PRKCB: variants seen among roughly 807,000 people sequenced by gnomAD.
PRKCB encodes protein kinase C beta type.
PRKCB carries 13 observed loss-of-function variants against 81.5 expected under a neutral mutation model. That is an observed-to-expected ratio of 0.16 (90% CI 0.10 to 0.25). PRKCB has a LOEUF of 0.25. Ranked by LOEUF, PRKCB falls within the 10% of genes least tolerant of loss-of-function variation. The pLI is 1.00. For synonymous variants in PRKCB, 335 were observed against 321.4 expected (o/e 1.04, Z -0.45); for missense variants, 509 against 875.7 (o/e 0.58, Z 5.29).
intron 5 of PRKCB, among the ~76,000 whole-genome samples, chr16:24,064,015 C>T (rs1966004214): frequency 6.6e-6 from 1 of 152,018 alleles, no homozygotes; most frequent in African/African-American, 2.4e-5. Context: ...TAGTGTGATT[C>T]CGTTTTTGTA....
chr16:24,056,076 G>A (rs1028470077), intron 5 of PRKCB, among the ~76,000 whole-genome samples: 2 of 152,242 alleles, frequency 1.3e-5, no homozygotes, highest in African/African-American at 2.4e-5. Flanking sequence ...CCACTTTGCC[G>A]AATTGAGAAT....
chr16:23,897,539 G>A (rs560611628), intron 2 of PRKCB, among the ~76,000 whole-genome samples: 2 of 152,314 alleles, frequency 1.3e-5, no homozygotes, highest in East Asian at 3.9e-4. Context: ...AAAGGCAGCT[G>A]TCACCTGTTG....
At chr16:23,966,225 A>T (rs1019919475) in intron 2 of PRKCB, among the ~76,000 whole-genome samples, 7 of 152,156 alleles carry the variant, frequency 4.6e-5, no homozygotes, top group African/African-American at 1.7e-4. Context: ...TTGCCCTGGG[A>T]GGGGCTTCTT....
At chr16:24,187,078 T>A (rs577620821) in intron 15 of PRKCB, among the ~76,000 whole-genome samples, 15 of 151,926 alleles carry the variant, frequency 9.9e-5, no homozygotes, top group Non-Finnish European at 1.8e-4. Flanking sequence ...TGGGGGCGGG[T>A]AGAGAGAAGG....
At position 24,217,140 on chromosome 16, in the gene PRKCB, G is replaced by A. The variant is rs545768247; in HGVS notation, c.*2324G>A. 2 of 978,428 alleles carry A rather than the reference G, an allele frequency of 2.0e-6. No homozygotes were observed. Among genetic ancestry groups the A allele is most frequent in the Admixed American group, 6.3e-5 (1 of 15,976 alleles). The allele number at this position is 978,428 out of a possible 1,614,324, so 60.6% of individuals were successfully genotyped here. A position where few individuals can be genotyped will look rare whatever the true frequency, so the allele number is the denominator to read the frequency against. On this transcript the variant is annotated 3_prime_UTR_variant, in exon 17 of 17. Transcript: ENST00000643927. ...AAAGAAGGAAAGAAAGAAAGAGAAA[G>A]GAAGGAAGGAAAGAAGGAAGGAAAA...
chr16:23,932,081 A>G (rs1963986610), intron 2 of PRKCB, among the ~76,000 whole-genome samples: 2 of 152,374 alleles, frequency 1.3e-5, no homozygotes, highest in Non-Finnish European at 2.9e-5. Flanking sequence ...GAGAATATGT[A>G]GGAAATTCTA....
At chr16:23,874,673 T>G (rs933207707) in intron 2 of PRKCB, among the ~76,000 whole-genome samples, 1 of 150,864 alleles carries the variant, frequency 6.6e-6, no homozygotes, top group Non-Finnish European at 1.5e-5. Context: ...TTTAAAAAAC[T>G]AAAAACCAAC....
At chr16:23,857,717 A>AGAGT (rs1555478969) in intron 2 of PRKCB, among the ~76,000 whole-genome samples, 9 of 149,480 alleles carry the variant, frequency 6.0e-5, no homozygotes, top group African/African-American at 1.2e-4. Context: ...AGAGAGAGAG[A>AGAGT]GTGTGTGTGT....
At chr16:24,042,571 C>T (rs955551538) in intron 5 of PRKCB, among the ~76,000 whole-genome samples, 2 of 152,186 alleles carry the variant, frequency 1.3e-5, no homozygotes, top group Non-Finnish European at 2.9e-5. Context: ...CGCTCTCCAT[C>T]CATCAATCTG....
At chr16:23,874,359 A>G (rs1644960759) in intron 2 of PRKCB, among the ~76,000 whole-genome samples, 1 of 152,198 alleles carries the variant, frequency 6.6e-6, no homozygotes, top group South Asian at 2.1e-4. Flanking sequence ...GAACCATCAC[A>G]TCTCATGTTC....
chr16:23,886,406 G>GTTTTTTTTTT lies in PRKCB; in HGVS notation c.205+49017_205+49026dup, dbSNP rs398029038. 1.3e-3 allele frequency among the ~76,000 whole-genome samples: 94 copies of GTTTTTTTTTT among 70,218 alleles called. 5 individuals carry two copies. Among genetic ancestry groups the GTTTTTTTTTT allele is most frequent in the Middle Eastern group, 7.2e-3 (1 of 138 alleles). The allele number at this position is 70,218 out of a possible 152,430, so 46.1% of individuals were successfully genotyped here. ...AGGGTTGGACTATGGTGTGTTAGGT[G>GTTTTTTTTTT]TTTTTTTTTTTTTTTTTTTTTTTTT... On this transcript the variant is annotated intron_variant, in intron 2 of 16. Transcript: ENST00000643927.
At chr16:24,018,780 C>A (rs901946466) in intron 3 of PRKCB, among the ~76,000 whole-genome samples, 1 of 152,212 alleles carries the variant, frequency 6.6e-6, no homozygotes, top group African/African-American at 2.4e-5. Flanking sequence ...TGGCTCTATT[C>A]ATTCTCCTCT....
At chr16:24,115,168 T>C (rs1182106862) in intron 8 of PRKCB, among the ~76,000 whole-genome samples, 3 of 152,194 alleles carry the variant, frequency 2.0e-5, no homozygotes, top group African/African-American at 7.2e-5. Context: ...TCACAGTACG[T>C]AGGGCTGTGC....
intron 2 of PRKCB, among the ~76,000 whole-genome samples, chr16:23,862,493 C>T (rs1000075704): frequency 1.3e-5 from 2 of 152,180 alleles, no homozygotes; most frequent in Admixed American, 6.5e-5. Flanking sequence ...CAGCAGCTTG[C>T]GTTCAGGGGA....
chr16:23,890,691 C>T (rs965541042), intron 2 of PRKCB, among the ~76,000 whole-genome samples: 14 of 152,278 alleles, frequency 9.2e-5, no homozygotes, highest in African/African-American at 3.4e-4. Flanking sequence ...CCACTGTACC[C>T]TGTGGACTTG....
At chr16:24,038,336 T>C (rs1267096706) in intron 5 of PRKCB, among the ~76,000 whole-genome samples, 2 of 152,202 alleles carry the variant, frequency 1.3e-5, no homozygotes, top group Non-Finnish European at 2.9e-5. Flanking sequence ...CCTGGCATAT[T>C]GTAGGATTTC....
intron 5 of PRKCB, among the ~76,000 whole-genome samples, chr16:24,087,533 C>T (rs1966323486): frequency 6.6e-6 from 1 of 152,114 alleles, no homozygotes; most frequent in South Asian, 2.1e-4. Flanking sequence ...AAATCCTTCA[C>T]TGGAATGAAT....
chr16:23,882,008 T>TTTTCTTTC (rs1963120994), intron 2 of PRKCB, among the ~76,000 whole-genome samples: 1 of 97,816 alleles, frequency 1.0e-5, no homozygotes, highest in Non-Finnish European at 2.1e-5. Context: ...CTTTCTTTCT[T>TTTTCTTTC]TCTTTCTTTC....
chr16:24,012,672 AGCTT>A (rs1965219024), intron 3 of PRKCB, among the ~76,000 whole-genome samples: 1 of 152,268 alleles, frequency 6.6e-6, no homozygotes, highest in South Asian at 2.1e-4. Context: ...TCCTCTGCCA[AGCTT>A]GCCTATAAAC....
Sources: gnomAD v4.1 joint callset for allele counts (sites outside exome capture counted in the v4.1 genomes callset) on GRCh38, gnomAD v4.1.1 for gene constraint, MANE v1.5 for transcripts, NCBI Gene and HGNC (gene_info 2026-07-23, HGNC 2026-07-21) for gene names.